The following CFAP91 variants were observed in gnomAD, a reference collection of about 807,000 sequenced individuals.
CFAP91 encodes the protein cilia and flagella associated protein 91, also known as cilia- and flagella-associated protein 91.
CFAP91 carries 85 observed loss-of-function variants against 95.9 expected under a neutral mutation model. That is an observed-to-expected ratio of 0.89 (90% CI 0.74 to 1.06). The LOEUF (loss-of-function observed/expected upper bound fraction) is 1.06. Ranked by LOEUF, CFAP91 falls within the 50% of genes least tolerant of loss-of-function variation. CFAP91 has a pLI of 0.00. For missense variants in CFAP91, 962 were observed against 943.4 expected (o/e 1.02, Z -0.26); for synonymous variants, 335 against 327.5 (o/e 1.02, Z -0.25).
chr3:119,736,619 A>G (rs1378689972), intron 10 of CFAP91, among the ~76,000 whole-genome samples: 3 of 152,052 alleles, frequency 2.0e-5, no homozygotes, highest in African/African-American at 7.2e-5. Context: ...TGGACATTTC[A>G]TATACATGGA....
rs372793147 is a variant in CFAP91 at position 119,738,265 on chromosome 3, C to T, written c.1461+783C>T. 4.4e-3 allele frequency among the ~76,000 whole-genome samples: 615 copies of T among 140,018 alleles called. 9 individuals are homozygous for T. The highest frequency in any genetic ancestry group is 0.038 in the South Asian group (155 of 4,084). The allele number at this position is 140,018 out of a possible 152,430, so 91.9% of individuals were successfully genotyped here. ...GGACCAGAAAGCTCCCACCAGCCAG[C>T]GGGGATGTGCTGCTGGATAACATTC... On this transcript the variant is annotated intron_variant, in intron 11 of 17. Transcript: ENST00000273390.
At chr3:119,757,489 A>G (rs577245274) in intron 17 of CFAP91, among the ~76,000 whole-genome samples, 9 of 151,190 alleles carry the variant, frequency 6.0e-5, no homozygotes, top group African/African-American at 2.2e-4. Flanking sequence ...ACCAAAAATT[A>G]AAAAAAAATT....
At chr3:119,726,133 G>A (rs2053778357) in intron 6 of CFAP91, 38 bp from the exon 7 acceptor site, 1 of 1,556,084 alleles carries the variant, frequency 6.4e-7, no homozygotes, top group East Asian at 2.3e-5. Context: ...GCATGGGTCA[G>A]CTCACTTGTT....
rs188955824 is a variant in CFAP91, at chr3:119,718,725, A to G, written c.682+2982A>G. Among the ~76,000 whole-genome samples the G allele has an allele frequency of 3.9e-5, 6 of 152,358 alleles. No individual in the cohort carries two copies. The East Asian group carries it at 1.2e-3, about 29-fold the overall frequency. ...AGTATTGCCTTTAAGGTGCTGTGGG[A>G]AAATGATTGCAAACCTAGAATTCTT... is the stretch of plus-strand genomic sequence containing the variant. On this transcript the variant is annotated intron_variant, in intron 6 of 17. Coordinates refer to ENST00000273390, the MANE Select transcript of CFAP91 (RefSeq NM_033364.4).
chr3:119,753,977 G>A (rs546842441), intron 17 of CFAP91, among the ~76,000 whole-genome samples: 2 of 152,348 alleles, frequency 1.3e-5, no homozygotes, highest in East Asian at 1.9e-4. Context: ...ATGGTGTTTG[G>A]TTATGGCAGC....
At chr3:119,721,605 G>C (rs939456691) in intron 6 of CFAP91, among the ~76,000 whole-genome samples, 3 of 152,150 alleles carry the variant, frequency 2.0e-5, no homozygotes, top group Non-Finnish European at 4.4e-5. Context: ...TAGCTGATAG[G>C]CTGGCATGGA....
chr3:119,730,119 A>G, intron 7 of CFAP91, 101 bp from the exon 8 acceptor site: 1 of 1,253,750 alleles, frequency 8.0e-7, no homozygotes, highest in Non-Finnish European at 1.1e-6. Flanking sequence ...ATACATGAAT[A>G]TGATAGCAGC....
intron 3 of CFAP91, among the ~76,000 whole-genome samples, chr3:119,708,283 A>T (rs1283390530): frequency 1.3e-5 from 2 of 150,124 alleles, no homozygotes; most frequent in Non-Finnish European, 3.0e-5. Context: ...AAAAAAAAAA[A>T]ATTGTCTTTT....
Position 119,762,883 on chromosome 3 carries a change from A to C in CFAP91, c.*2-2169A>C, listed in dbSNP as rs75430647. Among the ~76,000 whole-genome samples the C allele has an allele frequency of 5.6e-3, 848 of 152,146 alleles. 7 individuals carry two copies. Among genetic ancestry groups the C allele is most frequent in the African/African-American group, 0.019 (793 of 41,564 alleles). On this transcript the variant is annotated intron_variant, in intron 17 of 17. Coordinates refer to ENST00000273390, the MANE Select transcript of CFAP91 (RefSeq NM_033364.4). ...TGTAAAACTGCGAGAAGAAAACATAAGGGAAAAGCTCCTAACATTGGTCTG... is the reference window on the plus strand; with the variant it reads ...TGTAAAACTGCGAGAAGAAAACATACGGGAAAAGCTCCTAACATTGGTCTG...
intron 10 of CFAP91, among the ~76,000 whole-genome samples, chr3:119,736,593 A>T (rs1237801965): frequency 2.6e-5 from 4 of 151,880 alleles, no homozygotes; most frequent in Non-Finnish European, 4.4e-5. Flanking sequence ...CTTTCTTTTT[A>T]TGGATTTGCC....
chr3:119,735,358 G>T (rs1163864800), intron 10 of CFAP91, among the ~76,000 whole-genome samples: 1 of 152,016 alleles, frequency 6.6e-6, no homozygotes, highest in East Asian at 1.9e-4. Context: ...GCATTCATCT[G>T]TTTTATATAA....
intron 6 of CFAP91, among the ~76,000 whole-genome samples, chr3:119,724,039 C>T (rs1425283429): frequency 6.6e-6 from 1 of 151,816 alleles, no homozygotes; most frequent in Non-Finnish European, 1.5e-5. Context: ...TGGCAGGTGC[C>T]TGTAAGTAAT....
At chr3:119,703,316 A>G in intron 1 of CFAP91, 94 bp downstream of exon 1, 8 of 1,548,212 alleles carry the variant, frequency 5.2e-6, no homozygotes, top group Non-Finnish European at 4.4e-6. Context: ...ATGGCGAACG[A>G]AACACGACCC....
At position 119,703,162 on chromosome 3, in the gene CFAP91, C is replaced by T. The variant is rs939149903; in HGVS notation, c.64C>T (p.Arg22Trp). 3.1e-6 allele frequency: 5 copies of T among 1,604,608 alleles called. No individual in the cohort carries two copies. The South Asian group carries it at 3.3e-5, about 11-fold the overall frequency. The change falls in exon 1 of 18, where the codon CGG becomes TGG. Residue 22 changes from arginine to tryptophan, a missense_variant. Arg to Trp is a moderately radical substitution (Grantham distance 101). Coordinates refer to ENST00000273390, the MANE Select transcript of CFAP91 (RefSeq NM_033364.4). ...GCCGCAGGTGTCTCAAACTCGGTAC[C>T]GGGAGAGGTCGCGGGCTGGGAGCCA... Reference protein sequence around the residue: ...AQPQVSQTRYRERSRAGSHIS... With the variant: ...AQPQVSQTRYWERSRAGSHIS...
intron 15 of CFAP91, among the ~76,000 whole-genome samples, chr3:119,747,472 C>G (rs2054244688): frequency 6.6e-6 from 1 of 152,190 alleles, no homozygotes; most frequent in Non-Finnish European, 1.5e-5. Flanking sequence ...CTGGATTACT[C>G]TCATTACTTA....
chr3:119,748,749 A>G (rs1172683048), intron 16 of CFAP91, among the ~76,000 whole-genome samples: 1 of 152,058 alleles, frequency 6.6e-6, no homozygotes, highest in African/African-American at 2.4e-5. Flanking sequence ...TTAAACCAGT[A>G]CCCCCTAAGG....
chr3:119,736,278 T>TG (rs1401147543), intron 10 of CFAP91, among the ~76,000 whole-genome samples: 1 of 143,860 alleles, frequency 7.0e-6, no homozygotes, highest in Non-Finnish European at 1.5e-5. Flanking sequence ...GTTTTTTTTT[T>TG]TTTTTTTTTT....
rs1236640309 is a variant in CFAP91, at chr3:119,765,459, T to C, written c.*409T>C. On this transcript the variant is annotated 3_prime_UTR_variant, in exon 18 of 18. Transcript: ENST00000273390. ...GCATATTCCATGACTCAGGATTTTA[T>C]CTCCTAGATATATATTCAACAGAAA... The C allele has an allele frequency of 2.0e-5, 3 of 152,184 alleles. No individual in the cohort carries two copies. The highest frequency in any genetic ancestry group is 7.2e-5 in the African/African-American group (3 of 41,452). The allele number at this position is 152,184 out of a possible 1,614,324, so 9.4% of individuals were successfully genotyped here.
chr3:119,761,844 A>G (rs979806886), intron 17 of CFAP91, among the ~76,000 whole-genome samples: 1 of 151,962 alleles, frequency 6.6e-6, no homozygotes, highest in Non-Finnish European at 1.5e-5. Context: ...GTACCTCAAC[A>G]TAGTAAAGTC....
Sources: gnomAD v4.1 joint callset for allele counts (sites outside exome capture counted in the v4.1 genomes callset) on GRCh38, gnomAD v4.1.1 for gene constraint, MANE v1.5 for transcripts, NCBI Gene and HGNC (gene_info 2026-07-23, HGNC 2026-07-21) for gene names.